DMD: variants seen among roughly 807,000 people sequenced by gnomAD.
The protein encoded by DMD is mutant dystrophin.
A neutral mutation model predicts 330.1 loss-of-function variants in DMD; 63 were observed. The observed-to-expected ratio is 0.19, with a 90% CI of 0.16 to 0.24. The LOEUF (loss-of-function observed/expected upper bound fraction) is 0.24, where lower values mean the gene tolerates loss of function less well. Ranked by LOEUF, DMD falls within the 10% of genes least tolerant of loss-of-function variation. The pLI is 1.00. For synonymous variants in DMD, 1,223 were observed against 959.8 expected (o/e 1.27, Z -5.07); for missense variants, 3,344 against 2,684.1 (o/e 1.25, Z -5.43).
chrX:32,819,263 C>T (rs749541165), intron 5 of DMD, among the ~76,000 whole-genome samples: 2 of 110,796 alleles, frequency 1.8e-5, no homozygotes, highest in South Asian at 3.8e-4. Flanking sequence ...TTCAGCAGTG[C>T]GAACGTCATC....
intron 16 of DMD, among the ~76,000 whole-genome samples, chrX:32,551,374 A>G (rs1327407896): frequency 8.9e-6 from 1 of 111,799 alleles, no homozygotes; most frequent in Non-Finnish European, 1.9e-5. Context: ...AAACAGAACA[A>G]AAAATCAAAA....
At chrX:31,128,070 C>T in intron 77 of DMD, among the ~76,000 whole-genome samples, 1 of 111,816 alleles carries the variant, frequency 8.9e-6, no homozygotes. Flanking sequence ...ATGATGTTCC[C>T]ATCATTTGGG....
rs941177954 is a variant in DMD at position 32,232,016 on chromosome X, G to A, written c.6291-14953C>T. 3.7e-5 allele frequency among the ~76,000 whole-genome samples: 4 copies of A among 108,796 alleles called. No individual in the cohort carries two copies. In the South Asian group the frequency reaches 1.1e-3, roughly 30 times the overall value. 94.5% of individuals were successfully genotyped at this position (108,796 alleles called of 115,157 possible). A position where few individuals can be genotyped will look rare whatever the true frequency, so the allele number is the denominator to read the frequency against. On this transcript the variant is annotated intron_variant, in intron 43 of 78. Coordinates refer to ENST00000357033, the MANE Select transcript of DMD (RefSeq NM_004006.3). ...AAATATAGTATTATTGAAAAAGGAG[G>A]AATTTAGATGTTCCAAGTGGCATTA...
chrX:31,336,162 T>G (rs2057394085), intron 61 of DMD, among the ~76,000 whole-genome samples: 1 of 112,689 alleles, frequency 8.9e-6, no homozygotes, highest in Non-Finnish European at 1.9e-5. Flanking sequence ...AAATAATTCC[T>G]CAGGCATAGG....
intron 50 of DMD, among the ~76,000 whole-genome samples, chrX:31,778,750 T>C (rs2090837325): frequency 9.1e-6 from 1 of 109,960 alleles, no homozygotes; most frequent in Non-Finnish European, 1.9e-5. Context: ...TTTTGTACTT[T>C]AGTGGAGACG....
At chrX:32,646,382 C>G (rs1259510489) in intron 9 of DMD, among the ~76,000 whole-genome samples, 1 of 111,314 alleles carries the variant, frequency 9.0e-6, no homozygotes, top group East Asian at 2.8e-4. Context: ...TTGCTGAGGT[C>G]AAGGACATAG....
intron 7 of DMD, among the ~76,000 whole-genome samples, chrX:32,715,863 G>C (rs753951903): frequency 2.2e-4 from 24 of 111,445 alleles, no homozygotes; most frequent in Admixed American, 3.8e-4. Context: ...ATTAGGCTAA[G>C]TGAAATAAGC....
chrX:32,358,523 T>C (rs764113344), intron 37 of DMD, among the ~76,000 whole-genome samples: 2 of 111,861 alleles, frequency 1.8e-5, no homozygotes, highest in South Asian at 7.5e-4. Flanking sequence ...TTCACATAGA[T>C]TACGAAAAAA....
At chrX:32,843,413 G>A (rs1282437671) in intron 4 of DMD, among the ~76,000 whole-genome samples, 5 of 111,567 alleles carry the variant, frequency 4.5e-5, no homozygotes, top group Non-Finnish European at 7.5e-5. Flanking sequence ...TTCTGGCTGC[G>A]GAGTGAAAAA....
At chrX:32,555,167 G>A (rs1455392855) in intron 16 of DMD, among the ~76,000 whole-genome samples, 1 of 110,860 alleles carries the variant, frequency 9.0e-6, no homozygotes, top group African/African-American at 3.3e-5. Context: ...CAATACATGT[G>A]ATTCATCACA....
At chrX:32,409,538 T>C (rs1000532210) in intron 30 of DMD, among the ~76,000 whole-genome samples, 3 of 111,629 alleles carry the variant, frequency 2.7e-5, no homozygotes, top group African/African-American at 6.5e-5. Flanking sequence ...TCACAACCTG[T>C]TCAACTAAAG....
chrX:31,123,078 AT>A (rs1247507992), intron 78 of DMD, among the ~76,000 whole-genome samples: 1 of 111,790 alleles, frequency 8.9e-6, no homozygotes, highest in Non-Finnish European at 1.9e-5. Flanking sequence ...AAAATTAAAG[AT>A]ATCCCAATAA....
At chrX:32,231,429 G>A (rs1015388509) in intron 43 of DMD, among the ~76,000 whole-genome samples, 3 of 111,418 alleles carry the variant, frequency 2.7e-5, no homozygotes, top group Middle Eastern at 4.2e-3. Flanking sequence ...AGGCTGCTGC[G>A]GCAAATCAAA....
intron 47 of DMD, among the ~76,000 whole-genome samples, chrX:31,877,847 T>C: frequency 8.9e-6 from 1 of 112,140 alleles, no homozygotes; most frequent in Non-Finnish European, 1.9e-5. Flanking sequence ...GATCATTTTC[T>C]ACTCACAAGT....
chrX:32,492,966 A>G (rs73453707), intron 19 of DMD, among the ~76,000 whole-genome samples: 2,018 of 111,545 alleles, frequency 0.018, 54 homozygotes, highest in African/African-American at 0.061. Context: ...TAGGTTGCCT[A>G]AGATAATCTA....
rs1158527362 is a variant in DMD, at chrX:32,362,819, G to A, written c.5294C>T (p.Ala1765Val). The A allele has an allele frequency of 8.3e-7, 1 of 1,208,984 alleles. No individual in the cohort carries two copies. The highest frequency in any genetic ancestry group is 1.1e-6 in the Non-Finnish European group (1 of 895,024). The change falls in exon 37 of 79, where the codon GCA becomes GTA. Residue 1765 changes from alanine (A) to valine (V), a missense_variant. Transcript: ENST00000357033. The stretch of plus-strand genomic sequence containing the variant: ...AGTCTTAATTCTGTGTGAAATGGCT[G>A]CAAATCGATGGTTGAGCTCTGAGAT... ...PQISELNHRF[A>V]AISHRIKTGK... is the part of the protein sequence containing the mutation.
At chrX:32,232,340 A>C (rs1405585298) in intron 43 of DMD, among the ~76,000 whole-genome samples, 1 of 111,259 alleles carries the variant, frequency 9.0e-6, no homozygotes, top group Non-Finnish European at 1.9e-5. Context: ...TAAATATGCC[A>C]GGGGCCCCTT....
chrX:32,229,346 A>T (rs182758865), intron 43 of DMD, among the ~76,000 whole-genome samples: 6 of 110,061 alleles, frequency 5.5e-5, no homozygotes, highest in South Asian at 3.9e-4. Flanking sequence ...TATCATGACA[A>T]GTACCTCATA....
chrX:32,486,016 C>G (rs774659306), intron 20 of DMD, among the ~76,000 whole-genome samples: 1 of 110,239 alleles, frequency 9.1e-6, no homozygotes, highest in Non-Finnish European at 1.9e-5. Context: ...GCTGGGATTA[C>G]AGGTGTGAGC....
Sources: gnomAD v4.1 joint callset for allele counts (sites outside exome capture counted in the v4.1 genomes callset) on GRCh38, gnomAD v4.1.1 for gene constraint, MANE v1.5 for transcripts, NCBI Gene and HGNC (gene_info 2026-07-23, HGNC 2026-07-21) for gene names.